PGM2L1: variants seen among roughly 807,000 people sequenced by gnomAD.
The protein encoded by PGM2L1 is phosphoglucomutase 2 like 1, also known as glucose 1,6-bisphosphate synthase.
PGM2L1 carries 35 observed loss-of-function variants against 73.4 expected under a neutral mutation model. The observed-to-expected ratio is 0.48, with a 90% CI of 0.36 to 0.63. The LOEUF (loss-of-function observed/expected upper bound fraction) is 0.63, where lower values mean the gene tolerates loss of function less well. Among genes scored for constraint, PGM2L1 ranks in the 30% least tolerant of loss-of-function variants. PGM2L1 has a pLI of 0.00. For missense variants in PGM2L1, 570 were observed against 742.0 expected, an observed-to-expected ratio of 0.77 and a Z score of 2.69; for synonymous variants, 225 against 253.8, an observed-to-expected ratio of 0.89 and a Z score of 1.08.
chr11:74,388,522 A>G (rs1460895409), intron 1 of PGM2L1, among the ~76,000 whole-genome samples: 1 of 152,184 alleles, frequency 6.6e-6, no homozygotes, highest in African/African-American at 2.4e-5. Context: ...ATAAATAATG[A>G]AATATTTCAG....
At position 74,342,874 on chromosome 11, in the gene PGM2L1, G is replaced by A. The variant is rs752438106; in HGVS notation, c.1442+11C>T. The A allele has an allele frequency of 3.8e-6, 6 of 1,582,840 alleles. No individual in the cohort carries two copies. The highest frequency in any genetic ancestry group is 4.3e-6 in the Non-Finnish European group (5 of 1,169,018). On this transcript the variant is annotated intron_variant, in intron 11 of 13. Coordinates refer to ENST00000298198, the MANE Select transcript of PGM2L1 (RefSeq NM_173582.6). ...AATCTAGCATGTGAAATTCATAATA[G>A]TAGAACTTACTTTTCATAAACCTTA...
intron 1 of PGM2L1, among the ~76,000 whole-genome samples, chr11:74,385,439 T>C (rs1482504791): frequency 6.6e-6 from 1 of 152,192 alleles, no homozygotes; most frequent in Non-Finnish European, 1.5e-5. Flanking sequence ...TTTAAGGGTT[T>C]ACAAGGGTGA....
At chr11:74,346,688 T>C in intron 8 of PGM2L1, 44 bp downstream of exon 8, 1 of 1,473,054 alleles carries the variant, frequency 6.8e-7, no homozygotes, top group Non-Finnish European at 9.5e-7. Flanking sequence ...AATACATTGC[T>C]TTTCAAAGTT....
At chr11:74,354,190 G>C (rs542194272) in intron 5 of PGM2L1, among the ~76,000 whole-genome samples, 1 of 151,954 alleles carries the variant, frequency 6.6e-6, no homozygotes, top group Non-Finnish European at 1.5e-5. Flanking sequence ...CCTACCTCTG[G>C]ACATTTTGTT....
chr11:74,348,523 A>G (rs1700135942), intron 6 of PGM2L1, among the ~76,000 whole-genome samples: 1 of 152,160 alleles, frequency 6.6e-6, no homozygotes, highest in Non-Finnish European at 1.5e-5. Flanking sequence ...CCATCATTAC[A>G]TCTAACAAAA....
chr11:74,352,522 T>C (rs770852065), intron 5 of PGM2L1, among the ~76,000 whole-genome samples: 61 of 152,180 alleles, frequency 4.0e-4, no homozygotes, highest in Non-Finnish European at 8.5e-4. Context: ...ATTTCAAATT[T>C]GGAAGGTTAG....
chr11:74,338,012 G>C (rs181784421), intron 13 of PGM2L1, among the ~76,000 whole-genome samples: 1 of 152,200 alleles, frequency 6.6e-6, no homozygotes, highest in Admixed American at 6.5e-5. Flanking sequence ...TCCATCAAAT[G>C]ATCAATGGAT....
intron 5 of PGM2L1, among the ~76,000 whole-genome samples, chr11:74,355,888 C>A (rs1304846672): frequency 1.3e-5 from 2 of 152,122 alleles, no homozygotes; most frequent in Admixed American, 1.3e-4. Context: ...GGGCAAAAAA[C>A]TCGAGGACTG....
rs1862983102 is a variant in PGM2L1, at chr11:74,383,824, A to AACATATATATAT, written c.112-9243_112-9242insATATATATATGT. 3.3e-5 allele frequency among the ~76,000 whole-genome samples: 4 copies of AACATATATATAT among 121,838 alleles called. No homozygotes were observed. In the South Asian group the frequency reaches 1.1e-3, roughly 33 times the overall value. 79.9% of individuals were successfully genotyped at this position (121,838 alleles called of 152,430 possible). ...AGTATTCTATGGAGATATATAAATA[A>AACATATATATAT]ATATATATATATATATATAACATTT... On this transcript the variant is annotated intron_variant, in intron 1 of 13. Coordinates refer to ENST00000298198, the MANE Select transcript of PGM2L1 (RefSeq NM_173582.6).
chr11:74,346,679 A>G, intron 8 of PGM2L1, 53 bp downstream of exon 8: 1 of 1,405,772 alleles, frequency 7.1e-7, no homozygotes, highest in Non-Finnish European at 1.0e-6. Flanking sequence ...AAGACTTAAA[A>G]TACATTGCTT....
Position 74,368,545 on chromosome 11 carries a change from C to T in PGM2L1, c.502G>A (p.Ala168Thr). ...PYAVQKLKAV[A>T]GVMITASHNR... ...TGAGAGGCAGTAATCATCACACCTG[C>T]AACTGCTTTGAGCTTCTGAACTGCA... The change falls in exon 5 of 14, where the codon GCA (alanine) becomes ACA (threonine). Residue 168 changes from alanine (A) to threonine (T), a missense_variant. Transcript: ENST00000298198. The T allele has an allele frequency of 6.2e-7, 1 of 1,613,904 alleles. No individual in the cohort carries two copies. Among genetic ancestry groups the T allele is most frequent in the Non-Finnish European group, 8.5e-7 (1 of 1,179,826 alleles).
chr11:74,368,677 TG>T, intron 4 of PGM2L1, 102 bp from the exon 5 acceptor site: 1 of 860,146 alleles, frequency 1.2e-6, no homozygotes, highest in Non-Finnish European at 1.8e-6. Flanking sequence ...CATTATAGTA[TG>T]ATATTGCTTT....
rs144626232 is a variant in PGM2L1 at position 74,397,586 on chromosome 11, A to G, written c.111+465T>C. 8.7e-3 allele frequency: 1,339 copies of G among 153,080 alleles called. 16 individuals are homozygous for G. Among genetic ancestry groups the G allele is most frequent in the African/African-American group, 0.031 (1,270 of 41,558 alleles). 9.5% of individuals were successfully genotyped at this position (153,080 alleles called of 1,614,324 possible). A position where few individuals can be genotyped will look rare whatever the true frequency, so the allele number is the denominator to read the frequency against. On this transcript the variant is annotated intron_variant, in intron 1 of 13. Transcript: ENST00000298198. ...ATAAAAGGCCAGCAACTACCTAGCG[A>G]CAGAAGGAGGAAACACACCAGACCA...
chr11:74,397,868 C>G (rs1388472639), intron 1 of PGM2L1, 183 bp downstream of exon 1: 3 of 1,087,058 alleles, frequency 2.8e-6, no homozygotes, highest in Non-Finnish European at 3.6e-6. Flanking sequence ...ATGTTGCCGC[C>G]CGGCTCTGGC....
intron 1 of PGM2L1, 77 bp from the exon 2 acceptor site, chr11:74,374,659 A>C: frequency 1.6e-6 from 2 of 1,253,838 alleles, no homozygotes; most frequent in Non-Finnish European, 2.3e-6. Flanking sequence ...AGGGGTCAAT[A>C]TGTACATATC....
At chr11:74,380,715 G>A (rs991648605) in intron 1 of PGM2L1, among the ~76,000 whole-genome samples, 2 of 151,944 alleles carry the variant, frequency 1.3e-5, no homozygotes, top group African/African-American at 4.8e-5. Flanking sequence ...CATACATTGA[G>A]CTCAATTTTA....
chr11:74,379,176 G>A (rs528965492), intron 1 of PGM2L1, among the ~76,000 whole-genome samples: 1 of 152,138 alleles, frequency 6.6e-6, no homozygotes, highest in Non-Finnish European at 1.5e-5. Flanking sequence ...GGCCCAGGAA[G>A]CTTTTAGTCA....
At chr11:74,344,317 C>A (rs1862230583) in intron 9 of PGM2L1, among the ~76,000 whole-genome samples, 1 of 152,068 alleles carries the variant, frequency 6.6e-6, no homozygotes, top group Admixed American at 6.6e-5. Flanking sequence ...TTTAGTGATG[C>A]ACTTTTAATA....
Position 74,357,874 on chromosome 11 carries a change from T to A in PGM2L1, c.556-6298A>T, listed in dbSNP as rs536406561. Among the ~76,000 whole-genome samples, 184 of 152,270 alleles carry A rather than the reference T, an allele frequency of 1.2e-3. 1 individual carries two copies. Among genetic ancestry groups the A allele is most frequent in the African/African-American group, 4.3e-3 (177 of 41,554 alleles). On this transcript the variant is annotated intron_variant, in intron 5 of 13. Coordinates refer to ENST00000298198, the MANE Select transcript of PGM2L1 (RefSeq NM_173582.6). ...AAAAAAGAAATGAGCTATCCAGCCA[T>A]GAAAAGACATGGAGGGAATTACTAC...
Sources: allele counts gnomAD v4.1 joint callset (sites outside exome capture counted in the v4.1 genomes callset), GRCh38; gene constraint gnomAD v4.1.1; transcripts MANE v1.5; gene names NCBI Gene and HGNC (gene_info 2026-07-23, HGNC 2026-07-21).